The following DIAPH2 variants were observed in gnomAD, a reference collection of about 807,000 sequenced individuals.
DIAPH2 encodes protein diaphanous homolog 2.
A neutral mutation model predicts 92.7 loss-of-function variants in DIAPH2; 35 were observed. The ratio of observed to expected loss-of-function variants is 0.38; its 90% CI spans 0.29 to 0.50. The LOEUF is 0.50. Among genes scored for constraint, DIAPH2 ranks in the 20% least tolerant of loss-of-function variants. The probability of loss-of-function intolerance (pLI) is 0.94; values close to 1 mark genes in which losing one functional copy is unlikely to be tolerated. For missense variants in DIAPH2, 701 were observed against 819.5 expected (o/e 0.86, Z 1.77); for synonymous variants, 301 against 280.4 (o/e 1.07, Z -0.73).
intron 25 of DIAPH2, among the ~76,000 whole-genome samples, chrX:97,390,662 AGCTGGGATTACAG>A (rs1363099022): frequency 9.0e-6 from 1 of 111,134 alleles, no homozygotes; most frequent in African/African-American, 3.3e-5. Context: ...CCTCCCAAGT[AGCTGGGATTACAG>A]GCATGAGCCA....
chrX:97,492,350 A>T (rs369727933), intron 26 of DIAPH2, among the ~76,000 whole-genome samples: 1 of 111,537 alleles, frequency 9.0e-6, no homozygotes, highest in East Asian at 2.8e-4. Context: ...TGGGAGAATC[A>T]GCCGAGGCTG....
chrX:97,423,786 A>C (rs2070034047), intron 25 of DIAPH2, among the ~76,000 whole-genome samples: 1 of 112,007 alleles, frequency 8.9e-6, no homozygotes, highest in Admixed American at 9.5e-5. Context: ...TCTTTCACTC[A>C]GTTAAATAGG....
At chrX:96,853,227 A>G in intron 4 of DIAPH2, among the ~76,000 whole-genome samples, 1 of 111,725 alleles carries the variant, frequency 9.0e-6, no homozygotes, top group Non-Finnish European at 1.9e-5. Context: ...TCACTTGATG[A>G]CATGTTTATG....
At chrX:97,243,668 T>C (rs1189746381) in intron 22 of DIAPH2, among the ~76,000 whole-genome samples, 1 of 111,539 alleles carries the variant, frequency 9.0e-6, no homozygotes, top group Non-Finnish European at 1.9e-5. Flanking sequence ...AGGTGCCCTT[T>C]ACTTTTTTTT....
At chrX:97,231,598 C>T (rs2068010144) in intron 22 of DIAPH2, among the ~76,000 whole-genome samples, 1 of 111,180 alleles carries the variant, frequency 9.0e-6, no homozygotes, top group African/African-American at 3.3e-5. Flanking sequence ...AGTAACATGC[C>T]ATTCACATTT....
chrX:96,993,696 A>G (rs1317697565), intron 17 of DIAPH2, among the ~76,000 whole-genome samples: 7 of 112,043 alleles, frequency 6.2e-5, no homozygotes, highest in Non-Finnish European at 9.4e-5. Flanking sequence ...TCAGAACGTA[A>G]CTATATCAGG....
At chrX:96,838,361 A>G (rs2064913074) in intron 4 of DIAPH2, among the ~76,000 whole-genome samples, 1 of 112,123 alleles carries the variant, frequency 8.9e-6, no homozygotes, top group East Asian at 2.8e-4. Flanking sequence ...GATAGTCAAT[A>G]CACATTAGGA....
At chrX:96,687,571 C>T (rs1223082551) in intron 1 of DIAPH2, among the ~76,000 whole-genome samples, 1 of 110,379 alleles carries the variant, frequency 9.1e-6, no homozygotes, top group Non-Finnish European at 1.9e-5. Flanking sequence ...TCCTGAGTAG[C>T]TGGGATTACA....
At chrX:96,948,290 G>A (rs1394090556) in intron 14 of DIAPH2, among the ~76,000 whole-genome samples, 1 of 112,367 alleles carries the variant, frequency 8.9e-6, no homozygotes, top group Non-Finnish European at 1.9e-5. Flanking sequence ...AGTATGGGAT[G>A]AGGCTGCACA....
chrX:96,728,986 T>C (rs888709008), intron 1 of DIAPH2, among the ~76,000 whole-genome samples: 2 of 112,265 alleles, frequency 1.8e-5, no homozygotes, highest in African/African-American at 6.5e-5. Flanking sequence ...AGGTGGTCAG[T>C]GCACAGCTTG....
At chrX:96,755,223 T>C (rs1384857279) in intron 3 of DIAPH2, among the ~76,000 whole-genome samples, 2 of 112,069 alleles carry the variant, frequency 1.8e-5, no homozygotes, top group Admixed American at 9.5e-5. Context: ...GTATTGACTA[T>C]GAATGAATCA....
chrX:97,017,560 T>C (rs1054576121), intron 17 of DIAPH2, among the ~76,000 whole-genome samples: 5 of 112,023 alleles, frequency 4.5e-5, no homozygotes, highest in African/African-American at 1.3e-4. Flanking sequence ...TTTCATGAGA[T>C]GATATAGATA....
At chrX:96,706,477 G>A (rs2063886305) in intron 1 of DIAPH2, among the ~76,000 whole-genome samples, 1 of 112,198 alleles carries the variant, frequency 8.9e-6, no homozygotes, top group African/African-American at 3.2e-5. Context: ...ACTAGGGATG[G>A]AGAAGAGGAG....
At chrX:96,813,748 G>A (rs1329617940) in intron 4 of DIAPH2, among the ~76,000 whole-genome samples, 6 of 111,703 alleles carry the variant, frequency 5.4e-5, no homozygotes, top group Non-Finnish European at 9.4e-5. Context: ...GCATTTGCTT[G>A]TCTGTAAAGG....
chrX:96,727,351 TA>T (rs1469121721), intron 1 of DIAPH2, among the ~76,000 whole-genome samples: 1 of 112,455 alleles, frequency 8.9e-6, no homozygotes, highest in Non-Finnish European at 1.9e-5. Flanking sequence ...CAGAAAATCA[TA>T]AGAACGCCTA....
At chrX:96,712,539 A>G (rs949061220) in intron 1 of DIAPH2, among the ~76,000 whole-genome samples, 4 of 110,856 alleles carry the variant, frequency 3.6e-5, no homozygotes, top group Non-Finnish European at 7.6e-5. Flanking sequence ...TTTCTAAATA[A>G]TATGCTTATA....
chrX:96,742,006 A>G (rs903377397), intron 3 of DIAPH2, among the ~76,000 whole-genome samples: 3 of 111,409 alleles, frequency 2.7e-5, no homozygotes, highest in Admixed American at 9.6e-5. Context: ...AGACTCATAT[A>G]TTAAACTTCA....
chrX:97,309,837 T>A lies in DIAPH2; in HGVS notation c.2845-38279T>A, dbSNP rs183380525. 2.0e-4 allele frequency among the ~76,000 whole-genome samples: 23 copies of A among 112,354 alleles called. No individual in the cohort carries two copies. The Admixed American group carries it at 2.1e-3, about 10-fold the overall frequency. On this transcript the variant is annotated intron_variant, in intron 23 of 26. Coordinates refer to ENST00000324765, the MANE Select transcript of DIAPH2 (RefSeq NM_006729.5). The stretch of plus-strand genomic sequence containing the variant: ...TTTCAGTCCTTAAGAAATAGAGTCA[T>A]TTGAATGGGAAAACCTAGAAACAGT...
chrX:97,597,098 T>A (rs1453091579), intron 26 of DIAPH2, among the ~76,000 whole-genome samples: 1 of 112,289 alleles, frequency 8.9e-6, no homozygotes, highest in Non-Finnish European at 1.9e-5. Flanking sequence ...AAAATGTAAG[T>A]GGCAACTTTT....
Sources: allele counts gnomAD v4.1 joint callset (sites outside exome capture counted in the v4.1 genomes callset), GRCh38; gene constraint gnomAD v4.1.1; transcripts MANE v1.5; gene names NCBI Gene and HGNC (gene_info 2026-07-23, HGNC 2026-07-21).